FBXO36: variants seen among roughly 807,000 people sequenced by gnomAD.
The protein encoded by FBXO36 is F-box protein 36.
In FBXO36, 18 loss-of-function variants were observed where a neutral mutation model predicts 17.0. The observed-to-expected ratio is 1.06, with a 90% CI of 0.73 to 1.57. The LOEUF is 1.57. Ranked by LOEUF, FBXO36 falls within the 40% of genes most tolerant of loss-of-function variation. FBXO36 has a pLI of 0.00. For synonymous variants in FBXO36, 83 were observed against 85.3 expected, an observed-to-expected ratio of 0.97 and a Z score of 0.15; for missense variants, 229 against 221.9, an observed-to-expected ratio of 1.03 and a Z score of -0.20.
Position 230,011,113 on chromosome 2 carries a change from A to G in FBXO36, c.*229A>G, listed in dbSNP as rs964210880. ...ATCATGGCCCGAGGACAAGGGCTGT[A>G]AGACAGGGAGCCCCATAGGCCATCA... On this transcript the variant is annotated 3_prime_UTR_variant, in exon 4 of 4. Transcript: ENST00000283946. The G allele has an allele frequency of 8.4e-6, 4 of 477,076 alleles. No individual in the cohort carries two copies. In the Admixed American group the frequency reaches 1.0e-4, roughly 12 times the overall value. The allele number at this position is 477,076 out of a possible 1,614,324, so 29.6% of individuals were successfully genotyped here.
At chr2:229,996,666 G>T in intron 2 of FBXO36, 85 bp from the exon 3 acceptor site, 1 of 1,402,214 alleles carries the variant, frequency 7.1e-7, no homozygotes, top group South Asian at 1.5e-5. Flanking sequence ...GGGGAAAAAT[G>T]CCCTGAAGCT....
At chr2:229,982,487 T>C (rs1315443955) in intron 2 of FBXO36, among the ~76,000 whole-genome samples, 1 of 152,090 alleles carries the variant, frequency 6.6e-6, no homozygotes, top group Non-Finnish European at 1.5e-5. Flanking sequence ...GCTCACCAGA[T>C]AATCCAGGAT....
chr2:229,927,839 G>A (rs2076921058), intron 1 of FBXO36, among the ~76,000 whole-genome samples: 1 of 151,776 alleles, frequency 6.6e-6, no homozygotes, highest in African/African-American at 2.4e-5. Flanking sequence ...ACTAAAGACT[G>A]AAAACACCTG....
At chr2:230,000,355 CAAAAAAAAAAAAA>C (rs3086348) in intron 3 of FBXO36, among the ~76,000 whole-genome samples, 1 of 77,460 alleles carries the variant, frequency 1.3e-5, no homozygotes, top group Non-Finnish European at 2.5e-5. Flanking sequence ...GAGACTGTCT[CAAAAAAAAAAAAA>C]AAAAAAAAAA....
rs5839351 is a variant in FBXO36, at chr2:230,011,598, C to CTTTTTTTTTTTTTTTTTTTT, written c.*731_*732insTTTTTTTTTTTTTTTTTTTT. 29 of 123,416 alleles carry CTTTTTTTTTTTTTTTTTTTT rather than the reference C, an allele frequency of 2.3e-4. No homozygotes were observed. The highest frequency in any genetic ancestry group is 3.4e-4 in the African/African-American group (11 of 32,218). The allele number at this position is 123,416 out of a possible 1,614,324, so 7.6% of individuals were successfully genotyped here. ...AACCTATAAACATTTCTTTTCTTTT[C>CTTTTTTTTTTTTTTTTTTTT]TTTTTTTTTTTTTTTTTGTATTTTC... On this transcript the variant is annotated 3_prime_UTR_variant, in exon 4 of 4. Transcript: ENST00000283946.
chr2:229,992,730 A>C (rs2077303929), intron 2 of FBXO36, among the ~76,000 whole-genome samples: 1 of 152,206 alleles, frequency 6.6e-6, no homozygotes, highest in Non-Finnish European at 1.5e-5. Context: ...TTATTATCTC[A>C]AACAGTTCCA....
chr2:230,006,241 G>A (rs1369587191), intron 3 of FBXO36, among the ~76,000 whole-genome samples: 1 of 151,616 alleles, frequency 6.6e-6, no homozygotes, highest in Non-Finnish European at 1.5e-5. Context: ...GACTATAGGC[G>A]CATGCCACCA....
intron 1 of FBXO36, among the ~76,000 whole-genome samples, chr2:229,964,000 A>C (rs1269305110): frequency 6.6e-6 from 1 of 152,122 alleles, no homozygotes; most frequent in Non-Finnish European, 1.5e-5. Flanking sequence ...ATGCTTTACT[A>C]TTATGAGTAA....
chr2:229,998,101 A>C, intron 3 of FBXO36, among the ~76,000 whole-genome samples: 1 of 152,330 alleles, frequency 6.6e-6, no homozygotes, highest in South Asian at 2.1e-4. Context: ...ATTTTCCAAG[A>C]TGATTCAAAT....
At chr2:229,975,469 ATTTTT>A (rs67276148) in intron 1 of FBXO36, among the ~76,000 whole-genome samples, 1 of 140,550 alleles carries the variant, frequency 7.1e-6, no homozygotes, top group Non-Finnish European at 1.6e-5. Flanking sequence ...GACCTGATGG[ATTTTT>A]TTTTTTTTTT....
chr2:229,945,146 G>A (rs1430673584), intron 1 of FBXO36: 3 of 152,118 alleles, frequency 2.0e-5, no homozygotes, highest in Non-Finnish European at 4.4e-5. Context: ...GGGGAAGGAA[G>A]ACAGGAAGAC....
intron 1 of FBXO36, among the ~76,000 whole-genome samples, chr2:229,932,027 C>A (rs1003219743): frequency 5.3e-5 from 8 of 151,710 alleles, no homozygotes; most frequent in Non-Finnish European, 1.0e-4. Context: ...AGCAATCCAC[C>A]CACTTTAGCC....
At chr2:229,948,485 A>G (rs1405672757) in intron 1 of FBXO36, among the ~76,000 whole-genome samples, 1 of 149,134 alleles carries the variant, frequency 6.7e-6, no homozygotes, top group Non-Finnish European at 1.5e-5. Context: ...GTAAACAATT[A>G]TCTGACTTTT....
At chr2:229,978,910 C>T (rs940420579) in intron 2 of FBXO36, among the ~76,000 whole-genome samples, 1 of 152,150 alleles carries the variant, frequency 6.6e-6, no homozygotes, top group Middle Eastern at 3.2e-3. Flanking sequence ...AGCACAGTGG[C>T]TCATGCCTGT....
chr2:230,009,218 G>A (rs544529139), intron 3 of FBXO36, among the ~76,000 whole-genome samples: 1 of 152,280 alleles, frequency 6.6e-6, no homozygotes, highest in African/African-American at 2.4e-5. Context: ...GGCCAGGGCT[G>A]GTGCTGTTTG....
chr2:230,011,262 T>C lies in FBXO36; in HGVS notation c.*378T>C, dbSNP rs1158529199. ...TAGGCATTAGAAAGGGTAATGGGGC[T>C]TTTGAATTTTTTCCTGGCATTGTGT... is the stretch of plus-strand genomic sequence containing the variant. On this transcript the variant is annotated 3_prime_UTR_variant, in exon 4 of 4. Transcript: ENST00000283946. 1.3e-5 allele frequency: 2 copies of C among 155,302 alleles called. No homozygotes were observed. Among genetic ancestry groups the C allele is most frequent in the African/African-American group, 4.8e-5 (2 of 41,512 alleles). 9.6% of individuals were successfully genotyped at this position (155,302 alleles called of 1,614,324 possible). A position where few individuals can be genotyped will look rare whatever the true frequency, so the allele number is the denominator to read the frequency against.
chr2:229,937,781 T>G (rs2076972011), intron 1 of FBXO36: 1 of 152,222 alleles, frequency 6.6e-6, no homozygotes, highest in African/African-American at 2.4e-5. Context: ...CTCTTTTTTT[T>G]TAAGCAGACT....
chr2:229,995,017 G>A (rs535291014), intron 2 of FBXO36, among the ~76,000 whole-genome samples: 1 of 152,236 alleles, frequency 6.6e-6, no homozygotes, highest in Admixed American at 6.5e-5. Context: ...AGGAGGCTGA[G>A]GCAGGAGAAT....
intron 3 of FBXO36, among the ~76,000 whole-genome samples, chr2:229,998,037 G>A (rs1007053531): frequency 2.0e-5 from 3 of 152,070 alleles, no homozygotes; most frequent in South Asian, 2.1e-4. Context: ...TGACTAGCTC[G>A]GTATTTAGCT....
Sources: allele counts gnomAD v4.1 joint callset (sites outside exome capture counted in the v4.1 genomes callset), GRCh38; gene constraint gnomAD v4.1.1; transcripts MANE v1.5; gene names NCBI Gene and HGNC (gene_info 2026-07-23, HGNC 2026-07-21).